Variants in DAB1 observed in about 807,000 individuals in gnomAD.
DAB1 encodes DAB adaptor protein 1, also known as disabled homolog 1.
A neutral mutation model predicts 64.6 loss-of-function variants in DAB1; 15 were observed. The observed-to-expected ratio is 0.23, with a 90% CI of 0.16 to 0.36. The LOEUF is 0.36. Among genes scored for constraint, DAB1 ranks in the 10% least tolerant of loss-of-function variants. The pLI is 1.00. For missense variants in DAB1, 596 were observed against 706.7 expected (o/e 0.84, Z 1.78); for synonymous variants, 235 against 251.9 (o/e 0.93, Z 0.64).
chr1:58,460,463 T>G (rs888848435), intron 3 of DAB1, among the ~76,000 whole-genome samples: 4 of 152,172 alleles, frequency 2.6e-5, no homozygotes, highest in African/African-American at 7.2e-5. Flanking sequence ...AATTGCATTG[T>G]TTTTTATTTC....
At chr1:57,257,360 C>T (rs1669843652) in intron 2 of DAB1, among the ~76,000 whole-genome samples, 1 of 152,214 alleles carries the variant, frequency 6.6e-6, no homozygotes, top group South Asian at 2.1e-4. Context: ...GACATTCTGC[C>T]ATGCTAACTG....
intron 7 of DAB1, among the ~76,000 whole-genome samples, chr1:57,496,764 A>G (rs1364363235): frequency 1.3e-5 from 2 of 152,238 alleles, no homozygotes; most frequent in African/African-American, 2.4e-5. Context: ...ACTGAGGAAC[A>G]GAGAGAACAT....
chr1:57,934,063 T>TTG (rs55848780), intron 5 of DAB1, among the ~76,000 whole-genome samples: 10,141 of 127,992 alleles, frequency 0.079, 670 homozygotes, highest in African/African-American at 0.18. Context: ...GCCCAGCTAA[T>TTG]TGTGTGTGTG....
chr1:57,772,054 T>G (rs1649587716), intron 6 of DAB1, among the ~76,000 whole-genome samples: 1 of 152,152 alleles, frequency 6.6e-6, no homozygotes, highest in African/African-American at 2.4e-5. Context: ...ACTTAATCCC[T>G]AGTGCAACAC....
chr1:57,262,264 TGGCAGA>T lies in DAB1; in HGVS notation c.67+28694_67+28699del, dbSNP rs1381780472. Among the ~76,000 whole-genome samples, 20 of 152,360 alleles carry T rather than the reference TGGCAGA, an allele frequency of 1.3e-4. No homozygotes were observed. The South Asian group carries it at 4.1e-3, about 32-fold the overall frequency. On this transcript the variant is annotated intron_variant, in intron 2 of 14. Coordinates refer to ENST00000371236, the MANE Select transcript of DAB1 (RefSeq NM_001365792.1). Reference sequence around the variant, plus strand: ...TTCCCCAAGGTCACACAGCTTTCTGTGGCAGAGGCCACATTTGAACCAGGCCTACTG... The same window carrying T: ...TTCCCCAAGGTCACACAGCTTTCTGTGGCCACATTTGAACCAGGCCTACTG...
intron 3 of DAB1, among the ~76,000 whole-genome samples, chr1:58,353,039 T>C (rs1335604581): frequency 6.6e-6 from 1 of 152,156 alleles, no homozygotes; most frequent in African/African-American, 2.4e-5. Context: ...CTCAGACACC[T>C]ACATAAATGC....
chr1:57,835,777 G>C (rs1334746555), intron 1 of DAB1, among the ~76,000 whole-genome samples: 2 of 152,194 alleles, frequency 1.3e-5, no homozygotes, highest in African/African-American at 2.4e-5. Context: ...GAAGCCTGCA[G>C]CAGGGTTACT....
intron 4 of DAB1, among the ~76,000 whole-genome samples, chr1:58,261,241 G>A (rs1661041356): frequency 6.6e-6 from 1 of 151,894 alleles, no homozygotes; most frequent in South Asian, 2.1e-4. Context: ...CCTAGGTTTT[G>A]GAAAAAATAA....
intron 9 of DAB1, among the ~76,000 whole-genome samples, chr1:57,045,944 T>A (rs1225610105): frequency 6.6e-6 from 1 of 152,176 alleles, no homozygotes; most frequent in African/African-American, 2.4e-5. Flanking sequence ...GACCTTCCTT[T>A]CGGCATAAGT....
Position 57,101,125 on chromosome 1 carries a change from C to T in DAB1, c.307-28711G>A, listed in dbSNP as rs1654648858. On this transcript the variant is annotated intron_variant, in intron 4 of 14. Coordinates refer to ENST00000371236, the MANE Select transcript of DAB1 (RefSeq NM_001365792.1). Reference sequence around the variant, plus strand: ...AGGAGGCACTCTATCCTTCTTACCCCTGGCATGGTACTGGGTCTGACTTCT... The same window carrying T: ...AGGAGGCACTCTATCCTTCTTACCCTTGGCATGGTACTGGGTCTGACTTCT... Among the ~76,000 whole-genome samples the T allele has an allele frequency of 2.0e-5, 3 of 152,254 alleles. No individual in the cohort carries two copies. The South Asian group carries it at 6.2e-4, about 32-fold the overall frequency.
intron 1 of DAB1, among the ~76,000 whole-genome samples, chr1:57,313,058 G>A (rs961506601): frequency 6.6e-6 from 1 of 152,148 alleles, no homozygotes; most frequent in African/African-American, 2.4e-5. Context: ...TCTGTCTGTC[G>A]TTATCCAGGA....
At chr1:58,045,794 C>T (rs748592363) in intron 5 of DAB1, among the ~76,000 whole-genome samples, 7 of 132,840 alleles carry the variant, frequency 5.3e-5, no homozygotes, top group Non-Finnish European at 8.4e-5. Context: ...TCCCTTTTTC[C>T]CCTTTGTTCC....
intron 9 of DAB1, among the ~76,000 whole-genome samples, chr1:57,057,867 C>T (rs372646024): frequency 1.3e-5 from 2 of 152,100 alleles, no homozygotes; most frequent in African/African-American, 2.4e-5. Context: ...CTTGGCCTCC[C>T]AAAGTGCTGG....
At chr1:57,963,772 T>A (rs1427850958) in intron 5 of DAB1, among the ~76,000 whole-genome samples, 1 of 9,590 alleles carries the variant, frequency 1.0e-4, no homozygotes, top group Non-Finnish European at 7.6e-3. Flanking sequence ...TCTCATCTGC[T>A]CTCCACCAAA....
chr1:57,577,304 TATAG>T (rs1645261794), intron 7 of DAB1, among the ~76,000 whole-genome samples: 1 of 152,192 alleles, frequency 6.6e-6, no homozygotes, highest in Non-Finnish European at 1.5e-5. Context: ...GTTCCCATTT[TATAG>T]ATAAAGACAT....
Position 58,010,819 on chromosome 1 carries a change from C to T in DAB1, n.388-126657G>A, listed in dbSNP as rs375476375. Reference sequence around the variant, plus strand: ...TCTATCAGCTTCTCCTTCCCTTATTCCACACTCTCTGGGAAGTAGAAACCT... The same window carrying T: ...TCTATCAGCTTCTCCTTCCCTTATTTCACACTCTCTGGGAAGTAGAAACCT... On this transcript the variant is annotated intron_variant and non_coding_transcript_variant, in intron 5 of 20. Coordinates refer to the DAB1 transcript ENST00000485760. 2.0e-5 allele frequency among the ~76,000 whole-genome samples: 3 copies of T among 152,208 alleles called. No individual in the cohort carries two copies. In the East Asian group the frequency reaches 5.8e-4, roughly 29 times the overall value.
chr1:57,000,336 G>A (rs112694934), intron 14 of DAB1, among the ~76,000 whole-genome samples: 15,698 of 152,072 alleles, frequency 0.1, 987 homozygotes, highest in Non-Finnish European at 0.14. Flanking sequence ...GAGCCACCGC[G>A]CCAGGCCTCC....
chr1:57,006,403 C>A (rs1646068252), intron 14 of DAB1, among the ~76,000 whole-genome samples: 1 of 152,208 alleles, frequency 6.6e-6, no homozygotes, highest in South Asian at 2.1e-4. Context: ...CCATGTAGAT[C>A]CCCATGCCAG....
intron 5 of DAB1, among the ~76,000 whole-genome samples, chr1:57,917,910 T>C (rs959897677): frequency 6.6e-5 from 10 of 151,944 alleles, no homozygotes. Flanking sequence ...TTTCTAAAAA[T>C]GTGATTTCCT....
Sources: allele counts gnomAD v4.1 joint callset (sites outside exome capture counted in the v4.1 genomes callset), GRCh38; gene constraint gnomAD v4.1.1; transcripts MANE v1.5; gene names NCBI Gene and HGNC (gene_info 2026-07-23, HGNC 2026-07-21).